Variants in TAOK3 observed in about 807,000 individuals in gnomAD.
The protein encoded by TAOK3 is serine/threonine-protein kinase TAO3.
A neutral mutation model predicts 120.4 loss-of-function variants in TAOK3; 40 were observed. The observed-to-expected ratio is 0.33, with a 90% CI of 0.26 to 0.43. The LOEUF (loss-of-function observed/expected upper bound fraction) is 0.43, where lower values mean the gene tolerates loss of function less well. Ranked by LOEUF, TAOK3 falls within the 20% of genes least tolerant of loss-of-function variation. TAOK3 has a pLI of 1.00. For missense variants in TAOK3, 821 were observed against 1,112.1 expected, an observed-to-expected ratio of 0.74 and a Z score of 3.72; for synonymous variants, 355 against 387.5, an observed-to-expected ratio of 0.92 and a Z score of 0.99.
In TAOK3 at chr12:118,201,318, T is replaced by C; in HGVS notation, c.965A>G (p.Asn322Ser). ...TACTTCCTCATCCTCCTGTGACTCA[T>C]TCAAGGGTCCATTCCGTGTCTCTTG... Reference protein sequence around the residue: ...LFQETRNGPLNESQEDEEDSE... With the variant: ...LFQETRNGPLSESQEDEEDSE... The change falls in exon 12 of 21, where the codon AAT becomes AGT. Residue 322 changes from asparagine (N) to serine (S), a missense_variant. Coordinates refer to ENST00000392533, the MANE Select transcript of TAOK3 (RefSeq NM_016281.4). 1 of 1,613,814 alleles carries C rather than the reference T, an allele frequency of 6.2e-7. No homozygotes were observed. Among genetic ancestry groups the C allele is most frequent in the Non-Finnish European group, 8.5e-7 (1 of 1,179,864 alleles).
intron 1 of TAOK3, among the ~76,000 whole-genome samples, chr12:118,308,859 G>A (rs1227186137): frequency 6.8e-6 from 1 of 148,106 alleles, no homozygotes; most frequent in Admixed American, 6.8e-5. Flanking sequence ...GAACCCAGGA[G>A]GCGGAGGTTG....
At chr12:118,364,185 A>G (rs2045683884) in intron 1 of TAOK3, among the ~76,000 whole-genome samples, 1 of 152,138 alleles carries the variant, frequency 6.6e-6, no homozygotes, top group Non-Finnish European at 1.5e-5. Context: ...ATCTGTACTG[A>G]GTTTGGTAGG....
rs531092180 is a variant in TAOK3, at chr12:118,339,548, A to G, written c.-194+33100T>C. 7.3e-5 allele frequency among the ~76,000 whole-genome samples: 11 copies of G among 150,438 alleles called. No homozygotes were observed. The East Asian group carries it at 1.8e-3, about 24-fold the overall frequency. ...TATCAGAGGGCTTTGAAAGAGAGATATTTATTAAGCATTTTAGTTGCTCTT... is the reference window on the plus strand; with the variant it reads ...TATCAGAGGGCTTTGAAAGAGAGATGTTTATTAAGCATTTTAGTTGCTCTT... On this transcript the variant is annotated intron_variant, in intron 1 of 20. Coordinates refer to ENST00000392533, the MANE Select transcript of TAOK3 (RefSeq NM_016281.4).
intron 1 of TAOK3, among the ~76,000 whole-genome samples, chr12:118,286,559 A>AG (rs1030744418): frequency 6.6e-6 from 1 of 151,942 alleles, no homozygotes; most frequent in African/African-American, 2.4e-5. Context: ...GCCATAATAA[A>AG]AAAAAAAAAA....
intron 1 of TAOK3, among the ~76,000 whole-genome samples, chr12:118,273,489 C>T (rs1056563722): frequency 5.4e-5 from 8 of 149,456 alleles, no homozygotes; most frequent in Admixed American, 2.7e-4. Flanking sequence ...GGTGACAGAG[C>T]GAGACTCCGT....
intron 1 of TAOK3, among the ~76,000 whole-genome samples, chr12:118,291,111 G>A (rs2042460704): frequency 6.7e-6 from 1 of 150,182 alleles, no homozygotes; most frequent in Admixed American, 6.7e-5. Flanking sequence ...CTGCCTCGGC[G>A]TCCGAAAGTA....
At chr12:118,257,783 T>C (rs550596119) in intron 2 of TAOK3, among the ~76,000 whole-genome samples, 27 of 152,312 alleles carry the variant, frequency 1.8e-4, no homozygotes, top group African/African-American at 6.3e-4. Flanking sequence ...TTCACTAGTA[T>C]ACACAGGTCA....
rs978554635 is a variant in TAOK3, at chr12:118,234,813, T to C, written c.551+745A>G. 3.3e-5 allele frequency among the ~76,000 whole-genome samples: 5 copies of C among 152,322 alleles called. No individual in the cohort carries two copies. In the South Asian group the frequency reaches 1.0e-3, roughly 32 times the overall value. On this transcript the variant is annotated intron_variant, in intron 8 of 20. Coordinates refer to ENST00000392533, the MANE Select transcript of TAOK3 (RefSeq NM_016281.4). Reference sequence around the variant, plus strand: ...TACTAAAACCTACAAAAACCCTAGGTTGTAGTAATGGATGTTACTTTACTT... The same window carrying C: ...TACTAAAACCTACAAAAACCCTAGGCTGTAGTAATGGATGTTACTTTACTT...
intron 1 of TAOK3, among the ~76,000 whole-genome samples, chr12:118,329,782 G>T (rs1001623960): frequency 2.0e-5 from 3 of 152,084 alleles, no homozygotes; most frequent in Admixed American, 6.6e-5. Context: ...TTCATATATA[G>T]ATCCATGATA....
chr12:118,198,112 T>C (rs1181925057), intron 13 of TAOK3, among the ~76,000 whole-genome samples: 1 of 152,124 alleles, frequency 6.6e-6, no homozygotes, highest in African/African-American at 2.4e-5. Context: ...TCTGGGTCCT[T>C]TGCTGTCTCT....
chr12:118,214,116 A>G lies in TAOK3; in HGVS notation c.644-6T>C, dbSNP rs1409144704. ...AAGGGGCGGCTTCCGTTCCGCTGGAAGAGGAAAGAAACACAATAAAGTAGT... is the reference window on the plus strand; with the variant it reads ...AAGGGGCGGCTTCCGTTCCGCTGGAGGAGGAAAGAAACACAATAAAGTAGT... On this transcript the variant is annotated splice_region_variant and splice_polypyrimidine_tract_variant and intron_variant, in intron 9 of 20. Coordinates refer to ENST00000392533, the MANE Select transcript of TAOK3 (RefSeq NM_016281.4). 6.2e-7 allele frequency: 1 copy of G among 1,605,850 alleles called. No individual in the cohort carries two copies. The highest frequency in any genetic ancestry group is 1.3e-5 in the African/African-American group (1 of 74,304).
At chr12:118,222,149 T>TAA (rs1466966434) in intron 9 of TAOK3, among the ~76,000 whole-genome samples, 1 of 152,062 alleles carries the variant, frequency 6.6e-6, no homozygotes, top group Admixed American at 6.6e-5. Flanking sequence ...TAAACTAAAT[T>TAA]AGAGTGCCTA....
chr12:118,152,624 T>G (rs561914293), intron 19 of TAOK3: 2 of 513,520 alleles, frequency 3.9e-6, no homozygotes, highest in Non-Finnish European at 7.0e-6. Context: ...CTTTTCAGTA[T>G]GATCTGAAAC....
intron 9 of TAOK3, among the ~76,000 whole-genome samples, chr12:118,215,424 A>C (rs938756396): frequency 6.6e-6 from 1 of 151,650 alleles, no homozygotes; most frequent in Non-Finnish European, 1.5e-5. Context: ...AGGCAGGAGA[A>C]TGGCATGAAC....
chr12:118,339,011 G>A (rs1207864235), intron 1 of TAOK3, among the ~76,000 whole-genome samples: 1 of 145,950 alleles, frequency 6.9e-6, no homozygotes, highest in African/African-American at 2.8e-5. Flanking sequence ...CAAAGAGTGT[G>A]GTGTGCTGCT....
chr12:118,358,263 T>A (rs989737806), intron 1 of TAOK3, among the ~76,000 whole-genome samples: 5 of 152,204 alleles, frequency 3.3e-5, no homozygotes, highest in Admixed American at 6.5e-5. Flanking sequence ...GGCCAACATG[T>A]TTTATTTTTA....
At chr12:118,223,281 G>T (rs1236139538) in intron 9 of TAOK3, among the ~76,000 whole-genome samples, 1 of 150,544 alleles carries the variant, frequency 6.6e-6, no homozygotes, top group Admixed American at 6.7e-5. Context: ...CTGTGGTCTC[G>T]ATCTCCTAAC....
rs773126699 is a variant in TAOK3 at position 118,243,455 on chromosome 12, A to G, written c.254T>C (p.Ile85Thr). 3.8e-6 allele frequency: 6 copies of G among 1,572,538 alleles called. No homozygotes were observed. Among genetic ancestry groups the G allele is most frequent in the Middle Eastern group, 1.7e-4 (1 of 5,888 alleles). ...FLRQLKHPNT[I>T]EYKGCYLKEH... ...TTTCAAGTAACAGCCTTTGTACTCA[A>G]TAGTATTAGGATGCTTCAATTGTCG... Residue 85 changes from isoleucine (I) to threonine (T), a missense_variant, in exon 5 of 21, where the codon ATT (isoleucine) becomes ACT (threonine). Ile to Thr is a moderately conservative substitution (Grantham distance 89). Around this residue, in one of 2 missense-constraint regions of TAOK3, gnomAD observed 467 missense variants for 540.0 expected, o/e 0.86. Transcript: ENST00000392533.
intron 14 of TAOK3, among the ~76,000 whole-genome samples, chr12:118,186,780 G>A (rs2037103813): frequency 6.6e-6 from 1 of 152,078 alleles, no homozygotes; most frequent in South Asian, 2.1e-4. Flanking sequence ...GTTTTCTCAG[G>A]ATTTCATCTG....
Sources: allele counts gnomAD v4.1 joint callset (sites outside exome capture counted in the v4.1 genomes callset), GRCh38; gene constraint gnomAD v4.1.1; regional missense constraint gnomAD v4.1.1; transcripts MANE v1.5; gene names NCBI Gene and HGNC (gene_info 2026-07-23, HGNC 2026-07-21).